OR10H1: variants seen among roughly 807,000 people sequenced by gnomAD.
OR10H1 encodes olfactory receptor family 10 subfamily H member 1, also known as olfactory receptor 10H1.
Under a neutral mutation model 13.1 loss-of-function variants are expected in OR10H1, and 12 were observed. The observed-to-expected ratio is 0.92, with a 90% CI of 0.59 to 1.48. OR10H1 has a LOEUF of 1.48. Among genes scored for constraint, OR10H1 ranks in the 40% most tolerant of loss-of-function variants. The pLI is 0.00. For synonymous variants in OR10H1, 168 were observed against 175.6 expected (o/e 0.96, Z 0.34); for missense variants, 363 against 413.1 (o/e 0.88, Z 1.05).
intron 1 of OR10H1, among the ~76,000 whole-genome samples, chr19:15,815,342 A>AT (rs1300612943): frequency 2.4e-5 from 2 of 82,208 alleles, no homozygotes; most frequent in East Asian, 6.5e-4. Flanking sequence ...TTCCGTCTCA[A>AT]AAAAAAAAAA....
chr19:15,807,262 A>G lies in OR10H1; in HGVS notation c.776T>C (p.Ile259Thr). 6.2e-7 allele frequency: 1 copy of G among 1,614,140 alleles called. No individual in the cohort carries two copies. The highest frequency in any genetic ancestry group is 8.5e-7 in the Non-Finnish European group (1 of 1,180,024). The change falls in exon 4 of 4, where the codon ATT (isoleucine) becomes ACT (threonine). Residue 259 changes from isoleucine to threonine, a missense_variant. This residue lies in a region of OR10H1 where 318 missense variants were observed against 366.6 expected (regional missense o/e 0.87). Coordinates refer to ENST00000641419, the MANE Select transcript of OR10H1 (RefSeq NM_013940.4). ...VVVHYGFASV[I>T]YLKPKSPQSL... Reference sequence around the variant, plus strand: ...CTGGGGACTTTTGGGCTTCAGGTAAATGACGGAGGCAAAGCCATAGTGCAC... The same window carrying G: ...CTGGGGACTTTTGGGCTTCAGGTAAGTGACGGAGGCAAAGCCATAGTGCAC...
chr19:15,814,889 A>G (rs890478183), intron 1 of OR10H1, among the ~76,000 whole-genome samples: 6 of 152,066 alleles, frequency 3.9e-5, no homozygotes, highest in African/African-American at 1.4e-4. Flanking sequence ...CCTCTTCCCA[A>G]TCCTTTTTCC....
intron 1 of OR10H1, among the ~76,000 whole-genome samples, chr19:15,814,691 G>T (rs1389113371): frequency 2.0e-5 from 3 of 151,954 alleles, no homozygotes; most frequent in Admixed American, 2.0e-4. Flanking sequence ...TTTTTGTACA[G>T]ACAGGGTCTC....
rs1167944756 is a variant in OR10H1, at chr19:15,805,376, A to C, written c.*1705T>G. 1 of 152,056 alleles carries C rather than the reference A, an allele frequency of 6.6e-6. No homozygotes were observed. Among genetic ancestry groups the C allele is most frequent in the Non-Finnish European group, 1.5e-5 (1 of 68,014 alleles). The allele number at this position is 152,056 out of a possible 1,614,324, so 9.4% of individuals were successfully genotyped here. A position where few individuals can be genotyped will look rare whatever the true frequency, so the allele number is the denominator to read the frequency against. ...AAGACCTATTGTCAATAAATATATA[A>C]ATACTATACAGTAGGGTCAATCTTA... On this transcript the variant is annotated 3_prime_UTR_variant, in exon 4 of 4. Coordinates refer to ENST00000641419, the MANE Select transcript of OR10H1 (RefSeq NM_013940.4).
chr19:15,813,207 G>A (rs1463434956), intron 1 of OR10H1, among the ~76,000 whole-genome samples: 5 of 151,852 alleles, frequency 3.3e-5, no homozygotes, highest in African/African-American at 1.2e-4. Context: ...GGCGGAGAGA[G>A]GGTATATGGA....
chr19:15,808,984 G>A (rs1018099500), intron 2 of OR10H1, 143 bp from the exon 3 acceptor site: 12 of 152,272 alleles, frequency 7.9e-5, no homozygotes, highest in Admixed American at 7.2e-4. Flanking sequence ...CAGGTATCAT[G>A]AGACGTTCCC....
rs1292362187 is a variant in OR10H1, at chr19:15,805,951, T to C, written c.*1130A>G. ...TTGAAATTCTAAGGTTTCCTTGATG[T>C]TTAAAGAGAGTCTGTTTATTGCTAT... On this transcript the variant is annotated 3_prime_UTR_variant, in exon 4 of 4. Transcript: ENST00000641419. 6.6e-6 allele frequency: 1 copy of C among 152,234 alleles called. No individual in the cohort carries two copies. The highest frequency in any genetic ancestry group is 2.4e-5 in the African/African-American group (1 of 41,452). 9.4% of individuals were successfully genotyped at this position (152,234 alleles called of 1,614,324 possible).
chr19:15,814,470 T>TGAGA (rs2088952746), intron 1 of OR10H1, among the ~76,000 whole-genome samples: 6 of 54,634 alleles, frequency 1.1e-4, no homozygotes, highest in Admixed American at 7.1e-4. Flanking sequence ...TGTGTGTGTG[T>TGAGA]GTGTGTGTGT....
Position 15,807,784 on chromosome 19 carries a change from A to T in OR10H1, c.254T>A (p.Leu85Gln), listed in dbSNP as rs908901500. Residue 85 changes from leucine to glutamine, a missense_variant, in exon 4 of 4, where the codon CTG becomes CAG. Coordinates refer to ENST00000641419, the MANE Select transcript of OR10H1 (RefSeq NM_013940.4). The part of the protein sequence containing the change: ...VAIIPRMLAD[L>Q]LSTQRSIAFL... ...GGCGATGGAGCGCTGGGTGGACAGCAGGTCGGCCAGCATGCGCGGGATGAT... is the reference window on the plus strand; with the variant it reads ...GGCGATGGAGCGCTGGGTGGACAGCTGGTCGGCCAGCATGCGCGGGATGAT... 3 of 1,607,682 alleles carry T rather than the reference A, an allele frequency of 1.9e-6. No individual in the cohort carries two copies. Among genetic ancestry groups the T allele is most frequent in the Non-Finnish European group, 2.6e-6 (3 of 1,175,296 alleles).
chr19:15,807,993 G>A lies in OR10H1; in HGVS notation c.45C>T (p.Val15=), dbSNP rs768820928. The A allele has an allele frequency of 3.0e-5, 48 of 1,614,002 alleles. No homozygotes were observed. The highest frequency in any genetic ancestry group is 3.8e-5 in the Non-Finnish European group (45 of 1,180,008). The change falls in exon 4 of 4, where the codon GTC becomes GTT. Residue 15 remains valine, a synonymous_variant. Coordinates refer to ENST00000641419, the MANE Select transcript of OR10H1 (RefSeq NM_013940.4). ...NHSTVTQFIL[V]GFSVFPHLQL... Reference sequence around the variant, plus strand: ...GGAGGTGGGGGAAGACAGAGAAGCCGACGAGGATGAATTGGGTCACTGTGG... The same window carrying A: ...GGAGGTGGGGGAAGACAGAGAAGCCAACGAGGATGAATTGGGTCACTGTGG...
Position 15,807,372 on chromosome 19 carries a change from G to A in OR10H1, c.666C>T (p.Ile222=), listed in dbSNP as rs1048040148. The A allele has an allele frequency of 5.0e-6, 8 of 1,614,130 alleles. No homozygotes were observed. The highest frequency in any genetic ancestry group is 1.6e-4 in the Middle Eastern group (1 of 6,062). ...FLLILLSYAF[I]VAAILKIPSA... Reference sequence around the variant, plus strand: ...AAGGGATCTTCAAGATGGCGGCCACGATGAAGGCATAGGAGAGGAGGATGA... The same window carrying A: ...AAGGGATCTTCAAGATGGCGGCCACAATGAAGGCATAGGAGAGGAGGATGA... The change falls in exon 4 of 4, where the codon ATC becomes ATT. Residue 222 remains isoleucine (I), a synonymous_variant. Transcript: ENST00000641419.
chr19:15,807,277 C>T lies in OR10H1; in HGVS notation c.761G>A (p.Gly254Asp). 6.2e-7 allele frequency: 1 copy of T among 1,614,096 alleles called. No homozygotes were observed. Among genetic ancestry groups the T allele is most frequent in the Non-Finnish European group, 8.5e-7 (1 of 1,180,020 alleles). The change falls in exon 4 of 4, where the codon GGC becomes GAC. Residue 254 changes from glycine to aspartate, a missense_variant. Physicochemically the swap from Gly to Asp is moderately conservative, Grantham distance 94. Coordinates refer to ENST00000641419, the MANE Select transcript of OR10H1 (RefSeq NM_013940.4). ...CTTCAGGTAAATGACGGAGGCAAAG[C>T]CATAGTGCACGACCACCACAGTGAG... Reference protein sequence around the residue: ...SHLTVVVVHYGFASVIYLKPK... With the variant: ...SHLTVVVVHYDFASVIYLKPK...
At position 15,807,557 on chromosome 19, in the gene OR10H1, A is replaced by G. The variant is rs1164887338; in HGVS notation, c.481T>C (p.Ser161Pro). ...CAGAAGGCGAGGTGGAAAATGGCCGAGGTCACCACCATCCCCATGACCAAG... is the reference window on the plus strand; with the variant it reads ...CAGAAGGCGAGGTGGAAAATGGCCGGGGTCACCACCATCCCCATGACCAAG... ...GGLVMGMVVT[S>P]AIFHLAFCGH... Residue 161 changes from serine (S) to proline (P), a missense_variant, in exon 4 of 4, where the codon TCG becomes CCG. Coordinates refer to ENST00000641419, the MANE Select transcript of OR10H1 (RefSeq NM_013940.4). 1.2e-6 allele frequency: 2 copies of G among 1,614,096 alleles called. No homozygotes were observed. Among genetic ancestry groups the G allele is most frequent in the African/African-American group, 1.3e-5 (1 of 74,942 alleles).
chr19:15,810,293 CA>C (rs56079033), intron 2 of OR10H1, among the ~76,000 whole-genome samples: 43,073 of 106,070 alleles, frequency 0.41, 7,816 homozygotes, highest in South Asian at 0.51. Context: ...GACTCCTTCT[CA>C]AAAAAAAAAA....
intron 1 of OR10H1, among the ~76,000 whole-genome samples, chr19:15,814,617 A>G (rs2088956699): frequency 6.7e-6 from 1 of 150,150 alleles, no homozygotes; most frequent in African/African-American, 2.4e-5. Context: ...GGCTCAAGCA[A>G]TCCTCCCACC....
chr19:15,810,019 G>A (rs986649147), intron 2 of OR10H1, among the ~76,000 whole-genome samples: 1 of 152,096 alleles, frequency 6.6e-6, no homozygotes, highest in Non-Finnish European at 1.5e-5. Context: ...GTGTGACCAG[G>A]TGCAGTGGCT....
rs891361030 is a variant in OR10H1, at chr19:15,805,413, A to C, written c.*1668T>G. The C allele has an allele frequency of 6.8e-6, 1 of 146,814 alleles. No homozygotes were observed. The highest frequency in any genetic ancestry group is 1.5e-5 in the Non-Finnish European group (1 of 66,820). 9.1% of individuals were successfully genotyped at this position (146,814 alleles called of 1,614,324 possible). On this transcript the variant is annotated 3_prime_UTR_variant, in exon 4 of 4. Coordinates refer to ENST00000641419, the MANE Select transcript of OR10H1 (RefSeq NM_013940.4). ...TAGGGTCAATCTTAAATCCCTGCCC[A>C]TTGGGAAGAGACCATGAGGTAAACT...
intron 2 of OR10H1, among the ~76,000 whole-genome samples, chr19:15,809,290 T>G (rs545986096): frequency 5.3e-5 from 8 of 151,348 alleles, no homozygotes; most frequent in African/African-American, 1.7e-4. Flanking sequence ...ATTTATGTAT[T>G]TATTTATTTA....
At position 15,806,779 on chromosome 19, in the gene OR10H1, G is replaced by C. The variant is rs2088897137; in HGVS notation, c.*302C>G. The C allele has an allele frequency of 3.2e-6, 1 of 308,806 alleles. No individual in the cohort carries two copies. The highest frequency in any genetic ancestry group is 6.0e-6 in the Non-Finnish European group (1 of 165,714). 19.1% of individuals were successfully genotyped at this position (308,806 alleles called of 1,614,324 possible). On this transcript the variant is annotated 3_prime_UTR_variant, in exon 4 of 4. Transcript: ENST00000641419. Reference sequence around the variant, plus strand: ...GTCTCACTCTGTCGCCCAGGCTGGAGTGCAGTGGTGTGATCTCAGCTCACT... The same window carrying C: ...GTCTCACTCTGTCGCCCAGGCTGGACTGCAGTGGTGTGATCTCAGCTCACT...
Sources: allele counts gnomAD v4.1 joint callset (sites outside exome capture counted in the v4.1 genomes callset), GRCh38; gene constraint gnomAD v4.1.1; regional missense constraint gnomAD v4.1.1; transcripts MANE v1.5; gene names NCBI Gene and HGNC (gene_info 2026-07-23, HGNC 2026-07-21).